The following MEF2C variants were observed in gnomAD, a reference collection of about 807,000 sequenced individuals.
MEF2C encodes the protein myocyte enhancer factor 2C.
A neutral mutation model predicts 50.5 loss-of-function variants in MEF2C; 6 were observed. The ratio of observed to expected loss-of-function variants is 0.12; its 90% CI spans 0.07 to 0.23. The LOEUF is 0.23. Ranked by LOEUF, MEF2C falls within the 10% of genes least tolerant of loss-of-function variation. The pLI is 1.00. For missense variants in MEF2C, 276 were observed against 605.0 expected (o/e 0.46, Z 5.70); for synonymous variants, 183 against 228.0 (o/e 0.80, Z 1.78).
chr5:88,869,571 G>A (rs1364231073), intron 1 of MEF2C, among the ~76,000 whole-genome samples: 3 of 151,116 alleles, frequency 2.0e-5, no homozygotes, highest in Non-Finnish European at 4.4e-5. Context: ...ATCTGCATAT[G>A]CAGTCCCTAC....
chr5:88,889,301 G>C (rs1220910811), intron 1 of MEF2C: 1 of 152,224 alleles, frequency 6.6e-6, no homozygotes, highest in Non-Finnish European at 1.5e-5. Flanking sequence ...CAGCTGCAAC[G>C]CCATCCAATT....
intron 1 of MEF2C, among the ~76,000 whole-genome samples, chr5:88,882,040 G>C (rs887018215): frequency 6.6e-6 from 1 of 152,190 alleles, no homozygotes; most frequent in African/African-American, 2.4e-5. Flanking sequence ...ACTTAGAATA[G>C]TCAGAAGTGA....
At position 88,761,200 on chromosome 5, in the gene MEF2C, G is replaced by T; in HGVS notation, c.387C>A (p.Ser129Arg). The T allele has an allele frequency of 6.2e-7, 1 of 1,613,954 alleles. No individual in the cohort carries two copies. Among genetic ancestry groups the T allele is most frequent in the African/African-American group, 1.3e-5 (1 of 75,022 alleles). Reference sequence around the variant, plus strand: ...GAGTACTTACACACAATCTTTGCCTGCTGATCATTAGATCAATATCTTCGT... The same window carrying T: ...GAGTACTTACACACAATCTTTGCCTTCTGATCATTAGATCAATATCTTCGT... ...KINEDIDLMI[S>R]RQRLCAVPPP... The change falls in exon 4 of 11, where the codon AGC becomes AGA. Residue 129 changes from serine to arginine, a missense_variant. Transcript: ENST00000504921.
chr5:88,806,235 C>T (rs1045846537), intron 2 of MEF2C, among the ~76,000 whole-genome samples: 5 of 152,122 alleles, frequency 3.3e-5, no homozygotes, highest in Non-Finnish European at 5.9e-5. Flanking sequence ...TTCATACCTT[C>T]AAATCCAACC....
intron 3 of MEF2C, among the ~76,000 whole-genome samples, chr5:88,791,672 T>A (rs1177413419): frequency 6.6e-6 from 1 of 152,120 alleles, no homozygotes; most frequent in East Asian, 1.9e-4. Context: ...TCAAATTTGA[T>A]CTATACAAAT....
chr5:88,740,677 C>CAAA, intron 6 of MEF2C: 11 of 792,140 alleles, frequency 1.4e-5, no homozygotes, highest in Middle Eastern at 6.3e-4. Context: ...GTCTCCAGTA[C>CAAA]AAAAAAAAAA....
At chr5:88,788,039 G>T (rs1029511022) in intron 3 of MEF2C, among the ~76,000 whole-genome samples, 1 of 152,172 alleles carries the variant, frequency 6.6e-6, no homozygotes, top group African/African-American at 2.4e-5. Flanking sequence ...CCCTGGCTCA[G>T]GTCCTGACTG....
chr5:88,821,485 G>A (rs540542095), intron 2 of MEF2C, among the ~76,000 whole-genome samples: 1 of 151,886 alleles, frequency 6.6e-6, no homozygotes, highest in Admixed American at 6.6e-5. Flanking sequence ...GGCTGGTCTT[G>A]AACTCCTGGG....
chr5:88,785,746 T>G (rs957628511), intron 3 of MEF2C, among the ~76,000 whole-genome samples: 3 of 132,604 alleles, frequency 2.3e-5, no homozygotes, highest in African/African-American at 7.7e-5. Context: ...AAATATGAAT[T>G]TTTAAGACCT....
Position 88,720,519 on chromosome 5 carries a change from A to T in MEF2C, c.*2085T>A, listed in dbSNP as rs1755964641. The T allele has an allele frequency of 6.6e-6, 1 of 152,604 alleles. No homozygotes were observed. The highest frequency in any genetic ancestry group is 1.5e-5 in the Non-Finnish European group (1 of 68,026). 9.5% of individuals were successfully genotyped at this position (152,604 alleles called of 1,614,324 possible). A position where few individuals can be genotyped will look rare whatever the true frequency, so the allele number is the denominator to read the frequency against. ...CAGCCTTTTACAATGAGAAACACATAGCAACTATGCAAGTAAAAGAGAAAA... is the reference window on the plus strand; with the variant it reads ...CAGCCTTTTACAATGAGAAACACATTGCAACTATGCAAGTAAAAGAGAAAA... On this transcript the variant is annotated 3_prime_UTR_variant, in exon 11 of 11. Coordinates refer to ENST00000504921, the MANE Select transcript of MEF2C (RefSeq NM_002397.5).
At chr5:88,822,745 C>T (rs1213301291) in intron 2 of MEF2C, among the ~76,000 whole-genome samples, 1 of 151,958 alleles carries the variant, frequency 6.6e-6, no homozygotes, top group Non-Finnish European at 1.5e-5. Flanking sequence ...GGGGAAATTA[C>T]AGTCTGGTGG....
At chr5:88,794,243 T>G (rs1289888671) in intron 3 of MEF2C, among the ~76,000 whole-genome samples, 2 of 152,216 alleles carry the variant, frequency 1.3e-5, no homozygotes, top group African/African-American at 4.8e-5. Flanking sequence ...ATGGTTGAAC[T>G]AGTTTACAGT....
chr5:88,860,465 T>G (rs751646879), intron 1 of MEF2C, among the ~76,000 whole-genome samples: 1 of 152,104 alleles, frequency 6.6e-6, no homozygotes, highest in Non-Finnish European at 1.5e-5. Flanking sequence ...TAAAACAAAA[T>G]GAAATATTTT....
chr5:88,786,014 A>G (rs530559068), intron 3 of MEF2C, among the ~76,000 whole-genome samples: 58 of 152,038 alleles, frequency 3.8e-4, no homozygotes, highest in Non-Finnish European at 7.1e-4. Context: ...ATTCCTCTCC[A>G]TTTTCCTTGG....
chr5:88,730,123 C>T lies in MEF2C; in HGVS notation c.834+88G>A, dbSNP rs568059855. 2.9e-6 allele frequency: 4 copies of T among 1,381,928 alleles called. No homozygotes were observed. In the African/African-American group the frequency reaches 4.3e-5, roughly 15 times the overall value. The allele number at this position is 1,381,928 out of a possible 1,614,324, so 85.6% of individuals were successfully genotyped here. A position where few individuals can be genotyped will look rare whatever the true frequency, so the allele number is the denominator to read the frequency against. On this transcript the variant is annotated intron_variant, in intron 8 of 10. Coordinates refer to ENST00000504921, the MANE Select transcript of MEF2C (RefSeq NM_002397.5). Reference sequence around the variant, plus strand: ...AATGTTGACATACTGTGGTAACTTCCAATATCTTCCAATTTTATCAAAGCT... The same window carrying T: ...AATGTTGACATACTGTGGTAACTTCTAATATCTTCCAATTTTATCAAAGCT...
In MEF2C at chr5:88,751,051, C is replaced by T. The variant is rs960351721; in HGVS notation, c.589+806G>A. On this transcript the variant is annotated intron_variant, in intron 5 of 10. Transcript: ENST00000504921. ...AGGAATAATTTTGTTATATTCAATA[C>T]GCATTGACTTGGTTCCTACTGTTAG... 2.4e-4 allele frequency: 238 copies of T among 972,056 alleles called. 1 individual carries two copies. The highest frequency in any genetic ancestry group is 2.8e-4 in the Non-Finnish European group (228 of 817,862). 60.2% of individuals were successfully genotyped at this position (972,056 alleles called of 1,614,324 possible).
chr5:88,774,362 G>A (rs1345290251), intron 3 of MEF2C, among the ~76,000 whole-genome samples: 3 of 141,580 alleles, frequency 2.1e-5, no homozygotes, highest in East Asian at 2.0e-4. Context: ...TCGCTCTGTC[G>A]CCCAGGCTGG....
chr5:88,892,203 A>G (rs982475539), intron 1 of MEF2C: 1 of 152,282 alleles, frequency 6.6e-6, no homozygotes, highest in East Asian at 1.9e-4. Context: ...CACCTTCTCC[A>G]TGGCTGACAA....
intron 1 of MEF2C, among the ~76,000 whole-genome samples, chr5:88,840,922 AT>A (rs1817105832): frequency 1.3e-5 from 2 of 152,328 alleles, no homozygotes; most frequent in Admixed American, 1.3e-4. Context: ...TTCACACTTT[AT>A]TAACAAAGAT....
Sources: gnomAD v4.1 joint callset for allele counts (sites outside exome capture counted in the v4.1 genomes callset) on GRCh38, gnomAD v4.1.1 for gene constraint, MANE v1.5 for transcripts, NCBI Gene and HGNC (gene_info 2026-07-23, HGNC 2026-07-21) for gene names.